The following PCED1B variants were observed in gnomAD, a reference collection of about 807,000 sequenced individuals.
PCED1B encodes PC-esterase domain containing 1B.
For missense variants in PCED1B, 573 were observed against 573.9 expected (o/e 1.00, Z 0.02); for synonymous variants, 251 against 246.1 (o/e 1.02, Z -0.19).
chr12:47,215,356 C>T (rs190671593), intron 2 of PCED1B, among the ~76,000 whole-genome samples: 2 of 151,516 alleles, frequency 1.3e-5, no homozygotes, highest in Non-Finnish European at 2.9e-5. Context: ...TGGGTTCAAG[C>T]GATTCTCCTG....
rs1196586587 is a variant in PCED1B, at chr12:47,235,536, G to C, written c.473G>C (p.Cys158Ser). The part of the protein sequence containing the change: ...QCLGQVLPES[C>S]LLVWNTAMPV... ...CTGGGCCAGGTGCTGCCCGAGTCTT[G>C]CCTCCTGGTGTGGAACACGGCCATG... Residue 158 changes from cysteine to serine, a missense_variant, in exon 4 of 4, where the codon TGC (cysteine) becomes TCC (serine). By Grantham distance (112) the Cys-to-Ser change is moderately radical (BLOSUM62 -1). Coordinates refer to ENST00000546455, the MANE Select transcript of PCED1B (RefSeq NM_138371.3). 5 of 1,611,124 alleles carry C rather than the reference G, an allele frequency of 3.1e-6. No homozygotes were observed. Among genetic ancestry groups the C allele is most frequent in the Non-Finnish European group, 4.2e-6 (5 of 1,178,064 alleles).
At chr12:47,095,255 AAAGTTGAC>A (rs1484990954) in intron 1 of PCED1B, among the ~76,000 whole-genome samples, 1 of 152,106 alleles carries the variant, frequency 6.6e-6, no homozygotes. Flanking sequence ...TTAAGCTCTT[AAAGTTGAC>A]AATATTGTCT....
At chr12:47,113,868 G>T (rs1939304413) in intron 2 of PCED1B, among the ~76,000 whole-genome samples, 1 of 151,742 alleles carries the variant, frequency 6.6e-6, no homozygotes, top group Admixed American at 6.6e-5. Flanking sequence ...AAATTAGCTG[G>T]GTGTGGTGGC....
chr12:47,122,582 G>A (rs1019487247), intron 2 of PCED1B, among the ~76,000 whole-genome samples: 2 of 152,108 alleles, frequency 1.3e-5, no homozygotes, highest in African/African-American at 4.8e-5. Context: ...GAGTAATGGA[G>A]GCTTTCTCCT....
intron 2 of PCED1B, among the ~76,000 whole-genome samples, chr12:47,162,124 G>GA (rs1941403599): frequency 1.4e-5 from 2 of 147,796 alleles, no homozygotes; most frequent in Non-Finnish European, 2.9e-5. Flanking sequence ...GGGGTGGTGG[G>GA]GGGGGGAAGG....
intron 2 of PCED1B, among the ~76,000 whole-genome samples, chr12:47,212,093 A>C (rs1943109444): frequency 1.4e-5 from 2 of 145,516 alleles, no homozygotes; most frequent in South Asian, 2.2e-4. Context: ...AAAAAAAAAA[A>C]ACCCAATCTC....
rs1033108737 is a variant in PCED1B at position 47,112,037 on chromosome 12, C to A, written c.-526+7842C>A. Among the ~76,000 whole-genome samples the A allele has an allele frequency of 2.6e-5, 4 of 152,206 alleles. No individual in the cohort carries two copies. The South Asian group carries it at 8.3e-4, about 32-fold the overall frequency. On this transcript the variant is annotated intron_variant, in intron 2 of 3. Transcript: ENST00000546455. Reference sequence around the variant, plus strand: ...AAAAGGCAGCCCACCTGACTCAGAGCTGCCAACCCCCAGCCCACGCGAGCT... The same window carrying A: ...AAAAGGCAGCCCACCTGACTCAGAGATGCCAACCCCCAGCCCACGCGAGCT...
chr12:47,086,455 C>T (rs1937991026), intron 1 of PCED1B, among the ~76,000 whole-genome samples: 1 of 150,076 alleles, frequency 6.7e-6, no homozygotes, highest in South Asian at 2.1e-4. Flanking sequence ...AATTTCTGCT[C>T]AAAGAATAAA....
At position 47,235,875 on chromosome 12, in the gene PCED1B, C is replaced by T; in HGVS notation, c.812C>T (p.Pro271Leu). 2 of 1,584,312 alleles carry T rather than the reference C, an allele frequency of 1.3e-6. No homozygotes were observed. Residue 271 changes from proline to leucine, a missense_variant, in exon 4 of 4, where the codon CCT becomes CTT. Physicochemically the swap from Pro to Leu is moderately conservative, Grantham distance 98 (BLOSUM62 -3). Coordinates refer to ENST00000546455, the MANE Select transcript of PCED1B (RefSeq NM_138371.3). ...PVGEWIKKKK[P>L]GPRVEGPPQA... Reference sequence around the variant, plus strand: ...GGCGAGTGGATCAAGAAGAAAAAACCTGGCCCGAGAGTCGAAGGGCCGCCC... The same window carrying T: ...GGCGAGTGGATCAAGAAGAAAAAACTTGGCCCGAGAGTCGAAGGGCCGCCC...
chr12:47,218,088 T>C (rs748078913), intron 3 of PCED1B, among the ~76,000 whole-genome samples: 13 of 152,244 alleles, frequency 8.5e-5, no homozygotes, highest in Non-Finnish European at 1.3e-4. Flanking sequence ...CTGTAGAGTT[T>C]ACACAGCATT....
rs145239705 is a variant in PCED1B at position 47,107,333 on chromosome 12, C to T, written c.-526+3138C>T. On this transcript the variant is annotated intron_variant, in intron 2 of 3. Transcript: ENST00000546455. Reference sequence around the variant, plus strand: ...CCATGAACCATTGTATTGCCTCTCCCGGCATGTCTGTGAGAGAAGGGACAG... The same window carrying T: ...CCATGAACCATTGTATTGCCTCTCCTGGCATGTCTGTGAGAGAAGGGACAG... Among the ~76,000 whole-genome samples the T allele has an allele frequency of 2.3e-3, 356 of 152,182 alleles. 1 individual carries two copies. Among genetic ancestry groups the T allele is most frequent in the African/African-American group, 7.9e-3 (326 of 41,498 alleles).
chr12:47,159,629 G>C (rs1157087368), intron 2 of PCED1B, among the ~76,000 whole-genome samples: 1 of 151,668 alleles, frequency 6.6e-6, no homozygotes, highest in Non-Finnish European at 1.5e-5. Context: ...GTATATTCTG[G>C]ATATTAGTCC....
intron 2 of PCED1B, among the ~76,000 whole-genome samples, chr12:47,128,480 C>T (rs534712594): frequency 7.5e-4 from 109 of 145,846 alleles, no homozygotes; most frequent in African/African-American, 2.6e-3. Flanking sequence ...GCGCTGAAAA[C>T]CAGAGATCTA....
chr12:47,228,627 T>C (rs1943705587), intron 3 of PCED1B, among the ~76,000 whole-genome samples: 1 of 152,090 alleles, frequency 6.6e-6, no homozygotes, highest in African/African-American at 2.4e-5. Flanking sequence ...CCCAGCATTT[T>C]GGGAGGCCAA....
chr12:47,151,778 C>T (rs1941001873), intron 2 of PCED1B, among the ~76,000 whole-genome samples: 3 of 152,162 alleles, frequency 2.0e-5, no homozygotes, highest in Admixed American at 2.0e-4. Context: ...GTCTTTTATT[C>T]TATTCAGGCC....
chr12:47,225,496 A>G (rs1359619949), intron 3 of PCED1B, among the ~76,000 whole-genome samples: 6 of 152,226 alleles, frequency 3.9e-5, no homozygotes, highest in African/African-American at 1.4e-4. Flanking sequence ...TCAAAACTGT[A>G]TATGGCATGT....
intron 2 of PCED1B, among the ~76,000 whole-genome samples, chr12:47,192,710 C>T (rs1942484200): frequency 6.6e-6 from 1 of 152,162 alleles, no homozygotes; most frequent in South Asian, 2.1e-4. Flanking sequence ...CTCTCCATAG[C>T]AATAATGGTA....
At chr12:47,172,427 C>T (rs540332719) in intron 2 of PCED1B, among the ~76,000 whole-genome samples, 1 of 147,898 alleles carries the variant, frequency 6.8e-6, no homozygotes, top group East Asian at 2.0e-4. Flanking sequence ...CGAGATTGCA[C>T]CATGGCACAT....
At chr12:47,231,145 A>C (rs2137895399) in intron 3 of PCED1B, among the ~76,000 whole-genome samples, 1 of 152,294 alleles carries the variant, frequency 6.6e-6, no homozygotes, top group Middle Eastern at 3.4e-3. Context: ...CTTAGTTCTT[A>C]AGTGGGATCT....
Sources: gnomAD v4.1 joint callset for allele counts (sites outside exome capture counted in the v4.1 genomes callset) on GRCh38, gnomAD v4.1.1 for gene constraint, MANE v1.5 for transcripts, NCBI Gene and HGNC (gene_info 2026-07-23, HGNC 2026-07-21) for gene names.